RTN1: variants seen among roughly 807,000 people sequenced by gnomAD.
The protein encoded by RTN1 is reticulon-1.
RTN1 carries 25 observed loss-of-function variants against 65.5 expected under a neutral mutation model. The ratio of observed to expected loss-of-function variants is 0.38; its 90% CI spans 0.28 to 0.53. The LOEUF is 0.53. Among genes scored for constraint, RTN1 ranks in the 20% least tolerant of loss-of-function variants. The pLI, the probability that RTN1 is intolerant of heterozygous loss-of-function variation, is 0.79. For missense variants in RTN1, 983 were observed against 1,025.4 expected, an observed-to-expected ratio of 0.96 and a Z score of 0.57; for synonymous variants, 471 against 447.6, an observed-to-expected ratio of 1.05 and a Z score of -0.66.
chr14:59,738,122 C>A (rs373223265), intron 2 of RTN1, among the ~76,000 whole-genome samples: 26 of 152,198 alleles, frequency 1.7e-4, no homozygotes, highest in Non-Finnish European at 2.9e-4. Flanking sequence ...ATTACAAAGA[C>A]ACCAACAGCA....
At chr14:59,619,944 C>T (rs913085403) in intron 3 of RTN1, among the ~76,000 whole-genome samples, 3 of 151,700 alleles carry the variant, frequency 2.0e-5, no homozygotes, top group African/African-American at 7.3e-5. Context: ...TCGTAAGGGG[C>T]TGGGTGGGGG....
chr14:59,798,243 G>A (rs895341300), intron 1 of RTN1, among the ~76,000 whole-genome samples: 1 of 152,058 alleles, frequency 6.6e-6, no homozygotes, highest in African/African-American at 2.4e-5. Flanking sequence ...AAGATTTGGA[G>A]GTATATGCCT....
intron 3 of RTN1, among the ~76,000 whole-genome samples, chr14:59,668,071 A>AT (rs553506406): frequency 3.0e-4 from 45 of 152,318 alleles, no homozygotes; most frequent in African/African-American, 1.0e-3. Flanking sequence ...TCAAGCTAAC[A>AT]TTGATTTTCT....
At chr14:59,720,234 T>C (rs1177636303) in intron 3 of RTN1, among the ~76,000 whole-genome samples, 1 of 143,772 alleles carries the variant, frequency 7.0e-6, no homozygotes, top group African/African-American at 2.7e-5. Context: ...ACCCCACCAC[T>C]CAGTGAAGCC....
At position 59,853,145 on chromosome 14, in the gene RTN1, T is replaced by C. The variant is rs1008145766; in HGVS notation, c.241+17245A>G. 9.2e-5 allele frequency among the ~76,000 whole-genome samples: 14 copies of C among 152,280 alleles called. 1 individual carries two copies. Among genetic ancestry groups the C allele is most frequent in the Admixed American group, 5.9e-4 (9 of 15,302 alleles). On this transcript the variant is annotated intron_variant, in intron 1 of 8. Transcript: ENST00000267484. ...AAAAGACTTCTGAAAAATTCCAGAA[T>C]TTGGGGGTGTTTGTACAGATTTTCC...
chr14:59,764,963 C>T (rs1351557028), intron 1 of RTN1, among the ~76,000 whole-genome samples: 1 of 152,256 alleles, frequency 6.6e-6, no homozygotes, highest in African/African-American at 2.4e-5. Context: ...ATTCTAAACA[C>T]TGCTGCTATG....
chr14:59,780,675 T>C (rs1886138112), intron 1 of RTN1, among the ~76,000 whole-genome samples: 1 of 152,228 alleles, frequency 6.6e-6, no homozygotes, highest in African/African-American at 2.4e-5. Flanking sequence ...GGCAACTTCA[T>C]TTCTATTTGT....
At chr14:59,795,529 C>T (rs1886423731) in intron 1 of RTN1, among the ~76,000 whole-genome samples, 1 of 151,980 alleles carries the variant, frequency 6.6e-6, no homozygotes, top group Non-Finnish European at 1.5e-5. Context: ...AGTGAGATCC[C>T]ATCTCTATTT....
intron 3 of RTN1, among the ~76,000 whole-genome samples, chr14:59,725,667 C>T (rs2139475329): frequency 6.6e-6 from 1 of 152,348 alleles, no homozygotes; most frequent in Non-Finnish European, 1.5e-5. Flanking sequence ...TCAGCCCCCA[C>T]ACCATGCCAC....
intron 3 of RTN1, among the ~76,000 whole-genome samples, chr14:59,678,080 G>A (rs1883665121): frequency 6.6e-6 from 1 of 152,298 alleles, no homozygotes; most frequent in South Asian, 2.1e-4. Context: ...GCCTGAGATG[G>A]TGAGTTTCAC....
chr14:59,835,769 T>G (rs1887202439), intron 1 of RTN1, among the ~76,000 whole-genome samples: 1 of 152,224 alleles, frequency 6.6e-6, no homozygotes, highest in Admixed American at 6.5e-5. Context: ...TTTCTAGGTT[T>G]CATAATAATT....
At chr14:59,755,821 A>G (rs999803526) in intron 1 of RTN1, among the ~76,000 whole-genome samples, 2 of 152,208 alleles carry the variant, frequency 1.3e-5, no homozygotes, top group African/African-American at 4.8e-5. Context: ...TTAAAAATAA[A>G]AAGAGCCTGC....
At chr14:59,831,053 T>A (rs1481534204) in intron 1 of RTN1, among the ~76,000 whole-genome samples, 3 of 152,024 alleles carry the variant, frequency 2.0e-5, no homozygotes, top group African/African-American at 2.4e-5. Context: ...AAGAAAAAAA[T>A]TTAAATTATT....
chr14:59,747,997 T>C (rs1160690873), intron 1 of RTN1, among the ~76,000 whole-genome samples: 1 of 152,142 alleles, frequency 6.6e-6, no homozygotes, highest in Non-Finnish European at 1.5e-5. Context: ...TTTTCATTAA[T>C]ATCAACTCAT....
intron 3 of RTN1, among the ~76,000 whole-genome samples, chr14:59,631,400 A>G (rs1486943174): frequency 6.6e-6 from 1 of 152,148 alleles, no homozygotes; most frequent in Admixed American, 6.5e-5. Context: ...GTTCAAACAG[A>G]ACTCAGGGAA....
intron 8 of RTN1, 97 bp from the exon 9 acceptor site, chr14:59,596,884 T>C (rs1216580472): frequency 7.8e-6 from 7 of 899,356 alleles, no homozygotes; most frequent in African/African-American, 4.9e-5. Context: ...CCAAAGAACT[T>C]AATATTCCAG....
intron 1 of RTN1, among the ~76,000 whole-genome samples, chr14:59,821,959 T>C (rs945361430): frequency 3.3e-5 from 5 of 152,218 alleles, no homozygotes; most frequent in African/African-American, 1.2e-4. Context: ...AACAGGGATA[T>C]TGGCCTGAGG....
chr14:59,744,190 C>T (rs1026215522), intron 2 of RTN1, among the ~76,000 whole-genome samples: 1 of 152,168 alleles, frequency 6.6e-6, no homozygotes, highest in Middle Eastern at 3.2e-3. Context: ...TTAGAGCAAT[C>T]GCTCCTCCTC....
intron 3 of RTN1, among the ~76,000 whole-genome samples, chr14:59,631,808 C>T (rs1330718702): frequency 2.0e-5 from 3 of 152,124 alleles, no homozygotes; most frequent in Non-Finnish European, 4.4e-5. Flanking sequence ...CTGGAGACCA[C>T]GGGAGCATAC....
Sources: allele counts gnomAD v4.1 joint callset (sites outside exome capture counted in the v4.1 genomes callset), GRCh38; gene constraint gnomAD v4.1.1; transcripts MANE v1.5; gene names NCBI Gene and HGNC (gene_info 2026-07-23, HGNC 2026-07-21).